The following HEMK2 variants were observed in gnomAD, a reference collection of about 807,000 sequenced individuals.
HEMK2 encodes methyltransferase HEMK2.
At chr21:28,744,078 C>A in the HEMK2 span, among the ~76,000 whole-genome samples, 1 of 151,736 alleles carries the variant, frequency 6.6e-6, no homozygotes, top group South Asian at 2.1e-4. Flanking sequence ...GATACTGAGG[C>A]CTACTTGAGG....
At chr21:28,768,002 A>T in the HEMK2 span, among the ~76,000 whole-genome samples, 1 of 152,010 alleles carries the variant, frequency 6.6e-6, no homozygotes, top group South Asian at 2.1e-4. Flanking sequence ...ATTCGGGTCC[A>T]TATGCGTCCT....
At chr21:28,866,175 A>AAAAAAAAAAAAAAAACAC in the HEMK2 span, among the ~76,000 whole-genome samples, 1 of 76,234 alleles carries the variant, frequency 1.3e-5, no homozygotes, top group African/African-American at 5.1e-5. Flanking sequence ...CAAAAAAAAA[A>AAAAAAAAAAAAAAAACAC]ACACACACAC....
At chr21:28,683,407 C>T in the HEMK2 span, among the ~76,000 whole-genome samples, 1 of 152,216 alleles carries the variant, frequency 6.6e-6, no homozygotes, top group African/African-American at 2.4e-5. Flanking sequence ...ATCTGAAACA[C>T]TGTGATGAAC....
the HEMK2 span, among the ~76,000 whole-genome samples, chr21:28,712,140 TATGAGGCATGTTATAC>T: frequency 0.013 from 1,966 of 152,230 alleles, 77 homozygotes; most frequent in East Asian, 0.14. Flanking sequence ...GTTGCACAAC[TATGAGGCATGTTATAC>T]ACAGCCTTTG....
the HEMK2 span, among the ~76,000 whole-genome samples, chr21:28,662,717 C>G: frequency 1.3e-5 from 2 of 152,128 alleles, no homozygotes; most frequent in African/African-American, 4.8e-5. Context: ...TGCACTTCTC[C>G]TTCTTGCCAT....
the HEMK2 span, among the ~76,000 whole-genome samples, chr21:28,793,670 T>C: frequency 3.5e-4 from 53 of 152,330 alleles, 1 homozygote; most frequent in South Asian, 0.011. Flanking sequence ...TGACCTTATT[T>C]GGAAATGGGG....
the HEMK2 span, among the ~76,000 whole-genome samples, chr21:28,588,645 T>A: frequency 2.0e-5 from 3 of 152,184 alleles, no homozygotes; most frequent in Non-Finnish European, 2.9e-5. Context: ...GATGTAATAA[T>A]GCAATAGAAG....
At chr21:28,722,885 A>C in the HEMK2 span, among the ~76,000 whole-genome samples, 1 of 95,686 alleles carries the variant, frequency 1.0e-5, no homozygotes, top group Non-Finnish European at 2.1e-5. Flanking sequence ...ACTCAGTCTC[A>C]AACAAACAAA....
chr21:28,789,494 TA>T, the HEMK2 span, among the ~76,000 whole-genome samples: 1 of 152,186 alleles, frequency 6.6e-6, no homozygotes, highest in Non-Finnish European at 1.5e-5. Flanking sequence ...GCTATTTTCT[TA>T]AAAGATAAAA....
chr21:28,839,050 T>C, the HEMK2 span, among the ~76,000 whole-genome samples: 2 of 140,156 alleles, frequency 1.4e-5, no homozygotes, highest in African/African-American at 5.4e-5. Flanking sequence ...ATACCAGGGA[T>C]TCAGGGATGG....
At chr21:28,810,059 G>A in the HEMK2 span, among the ~76,000 whole-genome samples, 1 of 152,170 alleles carries the variant, frequency 6.6e-6, no homozygotes, top group Non-Finnish European at 1.5e-5. Flanking sequence ...TGGCCATGGA[G>A]TATCCGTAGA....
chr21:28,645,691 A>G, the HEMK2 span, among the ~76,000 whole-genome samples: 2 of 152,312 alleles, frequency 1.3e-5, no homozygotes, highest in South Asian at 4.1e-4. Flanking sequence ...GGAGTTGATC[A>G]GGTCATGAGG....
the HEMK2 span, among the ~76,000 whole-genome samples, chr21:28,803,148 T>A: frequency 6.6e-6 from 1 of 152,204 alleles, no homozygotes; most frequent in Non-Finnish European, 1.5e-5. Flanking sequence ...GGGAAGCAAC[T>A]GGCTTCTCAA....
chr21:28,809,922 C>T, the HEMK2 span, among the ~76,000 whole-genome samples: 1 of 152,096 alleles, frequency 6.6e-6, no homozygotes, highest in East Asian at 1.9e-4. Flanking sequence ...GTAAGGTTAT[C>T]CATTTCTGGG....
the HEMK2 span, among the ~76,000 whole-genome samples, chr21:28,605,125 C>T: frequency 1.3e-5 from 2 of 152,204 alleles, no homozygotes; most frequent in African/African-American, 2.4e-5. Flanking sequence ...TCTGCTCTTG[C>T]TCATAGCACC....
At chr21:28,605,939 C>G in the HEMK2 span, among the ~76,000 whole-genome samples, 1 of 152,038 alleles carries the variant, frequency 6.6e-6, no homozygotes, top group Non-Finnish European at 1.5e-5. Context: ...GCTTGCTTGA[C>G]CTGTTAGTGA....
the HEMK2 span, among the ~76,000 whole-genome samples, chr21:28,642,554 G>C: frequency 2.0e-5 from 3 of 152,326 alleles, no homozygotes; most frequent in South Asian, 6.2e-4. Context: ...GGTTGGGGTG[G>C]CAGCCCCTGC....
At chr21:28,771,507 C>A in the HEMK2 span, among the ~76,000 whole-genome samples, 1 of 128,206 alleles carries the variant, frequency 7.8e-6, no homozygotes, top group Admixed American at 8.0e-5. Flanking sequence ...CCATAATGCA[C>A]AAGATGCACC....
the HEMK2 span, among the ~76,000 whole-genome samples, chr21:28,759,885 A>G: frequency 6.6e-6 from 1 of 152,102 alleles, no homozygotes; most frequent in Non-Finnish European, 1.5e-5. Context: ...TTTATAAATT[A>G]CCCAGTCTCG....
Sources: allele counts gnomAD v4.1 joint callset (sites outside exome capture counted in the v4.1 genomes callset), GRCh38; gene constraint gnomAD v4.1.1; transcripts MANE v1.5; gene names NCBI Gene and HGNC (gene_info 2026-07-23, HGNC 2026-07-21).